Variants in RAD54L observed in about 807,000 individuals in gnomAD.
RAD54L encodes the protein RAD54 like.
A neutral mutation model predicts 91.6 loss-of-function variants in RAD54L; 74 were observed. That is an observed-to-expected ratio of 0.81 (90% CI 0.67 to 0.98). The LOEUF is 0.98. Ranked by LOEUF, RAD54L falls within the 50% of genes least tolerant of loss-of-function variation. The pLI, the probability that RAD54L is intolerant of heterozygous loss-of-function variation, is 0.00. For synonymous variants in RAD54L, 304 were observed against 349.7 expected (o/e 0.87, Z 1.46); for missense variants, 887 against 945.7 (o/e 0.94, Z 0.81).
chr1:46,250,869 A>C (rs1659778032), intron 3 of RAD54L, among the ~76,000 whole-genome samples: 1 of 151,296 alleles, frequency 6.6e-6, no homozygotes, highest in Non-Finnish European at 1.5e-5. Flanking sequence ...CAGCTACTCA[A>C]GTGAGGCATG....
In RAD54L at chr1:46,260,721, C is replaced by T. The variant is rs375994494; in HGVS notation, c.478-6C>T. 17 of 1,614,206 alleles carry T rather than the reference C, an allele frequency of 1.1e-5. No homozygotes were observed. The African/African-American group carries it at 2.3e-4, about 22-fold the overall frequency. ...CCAAAGTGGACTGAAGGCTGTTATT[C>T]TCTAGGGAGTGAAATTCCTGTGGGA... On this transcript the variant is annotated splice_polypyrimidine_tract_variant and splice_region_variant and intron_variant, in intron 6 of 17. Coordinates refer to ENST00000371975, the MANE Select transcript of RAD54L (RefSeq NM_003579.4).
At position 46,248,344 on chromosome 1, in the gene RAD54L, C is replaced by A; in HGVS notation, c.-62C>A. The A allele has an allele frequency of 6.2e-7, 1 of 1,606,340 alleles. No homozygotes were observed. The highest frequency in any genetic ancestry group is 8.5e-7 in the Non-Finnish European group (1 of 1,175,184). On this transcript the variant is annotated 5_prime_UTR_variant, in exon 1 of 18. Transcript: ENST00000371975. ...TTAGACCCTGGTCCTACACTCTTAG[C>A]CGCTGCCTGCTTTTGACCTTTGGCT...
chr1:46,268,434 T>G (rs1660326808), intron 9 of RAD54L, among the ~76,000 whole-genome samples: 1 of 152,136 alleles, frequency 6.6e-6, no homozygotes, highest in Non-Finnish European at 1.5e-5. Flanking sequence ...TGCTCAAGAG[T>G]AGGCAGAGAA....
chr1:46,251,669 G>T (rs922656461), intron 3 of RAD54L, among the ~76,000 whole-genome samples: 2 of 152,222 alleles, frequency 1.3e-5, no homozygotes, highest in South Asian at 4.1e-4. Context: ...CATTCTGGGA[G>T]GCCAAGGTAG....
chr1:46,248,552 C>T lies in RAD54L; in HGVS notation c.44C>T (p.Pro15Leu), dbSNP rs771415284. ...CCCAGCCAGCTGGCCAAGAGAAAAC[C>T]TGAAGGCAGGTCCTGTGATGATGAA... is the stretch of plus-strand genomic sequence containing the variant. ...LAPSQLAKRK[P>L]EGRSCDDEDW... Residue 15 changes from proline to leucine, a missense_variant, in exon 2 of 18, where the codon CCT becomes CTT. By Grantham distance (98) the Pro-to-Leu change is moderately conservative (BLOSUM62 -3). Transcript: ENST00000371975. The T allele has an allele frequency of 1.2e-5, 20 of 1,614,142 alleles. No homozygotes were observed. The highest frequency in any genetic ancestry group is 1.7e-5 in the Admixed American group (1 of 60,006).
chr1:46,259,723 C>T (rs1260302557), intron 4 of RAD54L, among the ~76,000 whole-genome samples: 1 of 151,618 alleles, frequency 6.6e-6, no homozygotes, highest in Non-Finnish European at 1.5e-5. Flanking sequence ...TTGCAGTGAG[C>T]CGAGATTGTG....
chr1:46,261,517 C>T, intron 8 of RAD54L, 132 bp downstream of exon 8: 2 of 1,158,686 alleles, frequency 1.7e-6, no homozygotes, highest in Non-Finnish European at 2.5e-6. Flanking sequence ...AGACAAGTGA[C>T]AGGGAGAGCC....
intron 3 of RAD54L, among the ~76,000 whole-genome samples, chr1:46,257,204 T>C (rs909859773): frequency 6.6e-6 from 1 of 151,400 alleles, no homozygotes; most frequent in African/African-American, 2.4e-5. Context: ...TTCTAGACAT[T>C]GATGATGTGT....
chr1:46,272,937 C>T, intron 12 of RAD54L, 135 bp downstream of exon 12: 2 of 1,313,376 alleles, frequency 1.5e-6, no homozygotes, highest in Non-Finnish European at 2.1e-6. Flanking sequence ...TCCAACCCTA[C>T]CCAAGGCATG....
In RAD54L at chr1:46,265,784, A is replaced by C. The variant is rs1660251456; in HGVS notation, c.892-1675A>C. 6.6e-6 allele frequency among the ~76,000 whole-genome samples: 1 copy of C among 152,192 alleles called. No individual in the cohort carries two copies. Among genetic ancestry groups the C allele is most frequent in the African/African-American group, 2.4e-5 (1 of 41,434 alleles). On this transcript the variant is annotated intron_variant, in intron 8 of 17. Coordinates refer to ENST00000371975, the MANE Select transcript of RAD54L (RefSeq NM_003579.4). This position sits in a 1 kb window ranked among gnomAD's most constrained non-coding sequence, Gnocchi z 4.8. ...GTATATATATTATGGATGAGGGCAG[A>C]GTGGTACAGTGTCCAGACTCAGAGT...
rs773312777 is a variant in RAD54L, at chr1:46,249,901, C to G, written c.91-99C>G. 100 of 1,333,010 alleles carry G rather than the reference C, an allele frequency of 7.5e-5. 1 individual carries two copies. Among genetic ancestry groups the G allele is most frequent in the Middle Eastern group, 5.7e-4 (3 of 5,232 alleles). The allele number at this position is 1,333,010 out of a possible 1,614,324, so 82.6% of individuals were successfully genotyped here. ...ACTATGACATGTGTGAAGAATTTAG[C>G]ACAGTGCCTGGCACTTAATAAGCAC... On this transcript the variant is annotated intron_variant, in intron 2 of 17. Transcript: ENST00000371975.
At position 46,275,737 on chromosome 1, in the gene RAD54L, T is replaced by G. The variant is rs552834216; in HGVS notation, c.1869+1020T>G. On this transcript the variant is annotated intron_variant, in intron 16 of 17. Coordinates refer to ENST00000371975, the MANE Select transcript of RAD54L (RefSeq NM_003579.4). ...TCACTCATCAGACTCCTTATACCAC[T>G]GAACCTACCTTCAAATATACTACTG... Among the ~76,000 whole-genome samples, 10 of 152,322 alleles carry G rather than the reference T, an allele frequency of 6.6e-5. No homozygotes were observed. In the South Asian group the frequency reaches 1.0e-3, roughly 16 times the overall value.
In RAD54L at chr1:46,278,367, T is replaced by C; in HGVS notation, c.*85T>C. On this transcript the variant is annotated 3_prime_UTR_variant, in exon 18 of 18. Coordinates refer to ENST00000371975, the MANE Select transcript of RAD54L (RefSeq NM_003579.4). ...CTCCACAGGGCCCTGTTGAATTTTG[T>C]TCTCTGGGAGAAAATCATCAAGAAG... The C allele has an allele frequency of 2.8e-6, 4 of 1,422,428 alleles. 1 individual carries two copies. Among genetic ancestry groups the C allele is most frequent in the South Asian group, 2.5e-5 (2 of 81,042 alleles). 88.1% of individuals were successfully genotyped at this position (1,422,428 alleles called of 1,614,324 possible).
In RAD54L at chr1:46,248,271, T is replaced by A; in HGVS notation, c.-135T>A. 8.6e-7 allele frequency: 1 copy of A among 1,162,204 alleles called. No individual in the cohort carries two copies. Among genetic ancestry groups the A allele is most frequent in the Non-Finnish European group, 1.3e-6 (1 of 789,276 alleles). The allele number at this position is 1,162,204 out of a possible 1,614,324, so 72.0% of individuals were successfully genotyped here. On this transcript the variant is annotated 5_prime_UTR_variant, in exon 1 of 18. Transcript: ENST00000371975. ...ATGGATTCCCGCCATCCATGCCCCC[T>A]CTTTAATTAGCCGGTCCTCTCAATA...
At position 46,249,883 on chromosome 1, in the gene RAD54L, CAT is replaced by C. The variant is rs1010537153; in HGVS notation, c.91-116_91-115del. ...TTGCTATGAAGATGATACACTATGACATGTGTGAAGAATTTAGCACAGTGCCT... is the reference window on the plus strand; with the variant it reads ...TTGCTATGAAGATGATACACTATGACGTGTGAAGAATTTAGCACAGTGCCT... On this transcript the variant is annotated intron_variant, in intron 2 of 17. Transcript: ENST00000371975. 95 of 1,079,608 alleles carry C rather than the reference CAT, an allele frequency of 8.8e-5. 1 individual carries two copies. In the South Asian group the frequency reaches 9.8e-4, roughly 11 times the overall value. 66.9% of individuals were successfully genotyped at this position (1,079,608 alleles called of 1,614,324 possible). A position where few individuals can be genotyped will look rare whatever the true frequency, so the allele number is the denominator to read the frequency against.
In RAD54L at chr1:46,261,356, G is replaced by T; in HGVS notation, c.862G>T (p.Gly288Ter). Residue 288 changes from glycine to a stop codon, truncating the protein, a stop_gained, in exon 8 of 18, where the codon GGA becomes TGA. Coordinates refer to ENST00000371975, the MANE Select transcript of RAD54L (RefSeq NM_003579.4). LOFTEE classifies it high-confidence loss of function. Reference sequence around the variant, plus strand: ...CCTTCATGTTGGAGTCCTCCAGAAAGGAAGTGTTGGTCTGGTCATATGTGA... The same window carrying T: ...CCTTCATGTTGGAGTCCTCCAGAAATGAAGTGTTGGTCTGGTCATATGTGA... The part of the protein sequence containing the change: ...FRLHVGVLQK[G>*]SVGLVICDEG... 6.2e-7 allele frequency: 1 copy of T among 1,614,034 alleles called. No homozygotes were observed. Among genetic ancestry groups the T allele is most frequent in the Non-Finnish European group, 8.5e-7 (1 of 1,179,998 alleles).
intron 4 of RAD54L, 119 bp from the exon 5 acceptor site, chr1:46,259,845 C>T (rs1206400324): frequency 7.4e-7 from 1 of 1,352,558 alleles, no homozygotes; most frequent in East Asian, 2.3e-5. Context: ...GAGGCATTCT[C>T]AGAGAGAGAG....
At chr1:46,259,879 G>T (rs1660048368) in intron 4 of RAD54L, 85 bp from the exon 5 acceptor site, 1 of 1,583,654 alleles carries the variant, frequency 6.3e-7, no homozygotes, top group Non-Finnish European at 8.7e-7. Context: ...CTCGGGAAAG[G>T]TTATGTGAAG....
At position 46,265,953 on chromosome 1, in the gene RAD54L, C is replaced by T. The variant is rs1660255363; in HGVS notation, c.892-1506C>T. Among the ~76,000 whole-genome samples, 1 of 152,156 alleles carries T rather than the reference C, an allele frequency of 6.6e-6. No individual in the cohort carries two copies. The highest frequency in any genetic ancestry group is 2.4e-5 in the African/African-American group (1 of 41,438). ...TTCGTGTGGATTACAGAACAGAATA[C>T]AGGTAAAGTGTTTAGTTAGTACCAT... On this transcript the variant is annotated intron_variant, in intron 8 of 17. Coordinates refer to ENST00000371975, the MANE Select transcript of RAD54L (RefSeq NM_003579.4). The surrounding 1 kb of genome is among the most constrained non-coding windows in gnomAD (Gnocchi z 4.8).
Sources: allele counts gnomAD v4.1 joint callset (sites outside exome capture counted in the v4.1 genomes callset), GRCh38; gene constraint gnomAD v4.1.1; non-coding constraint Gnocchi (gnomAD v3.1); transcripts MANE v1.5; gene names NCBI Gene and HGNC (gene_info 2026-07-23, HGNC 2026-07-21).